The following SPG11 variants were observed in gnomAD, a reference collection of about 807,000 sequenced individuals.
SPG11 encodes the protein SPG11 vesicle trafficking associated, spatacsin.
Under a neutral mutation model 274.0 loss-of-function variants are expected in SPG11, and 222 were observed. That is an observed-to-expected ratio of 0.81 (90% CI 0.73 to 0.91). The LOEUF is 0.91. SPG11 is among the 40% of genes least tolerant of loss of function. The probability of loss-of-function intolerance (pLI) is 0.00; values close to 1 mark genes in which losing one functional copy is unlikely to be tolerated. For missense variants in SPG11, 3,114 were observed against 2,872.7 expected (o/e 1.08, Z -1.92); for synonymous variants, 1,144 against 1,039.7 (o/e 1.10, Z -1.93).
chr15:44,589,688 T>G (rs1197042359), intron 27 of SPG11, among the ~76,000 whole-genome samples: 1 of 152,266 alleles, frequency 6.6e-6, no homozygotes, highest in African/African-American at 2.4e-5. Flanking sequence ...GCAAGAGTCC[T>G]AAAGACTGAA....
At chr15:44,622,597 G>A (rs2083783978) in intron 12 of SPG11, 131 bp downstream of exon 12, 12 of 839,068 alleles carry the variant, frequency 1.4e-5, no homozygotes, top group East Asian at 1.2e-4. Flanking sequence ...TGAAGGGGTT[G>A]TCACACTTTT....
Position 44,573,674 on chromosome 15 carries a change from A to C in SPG11, c.6078T>G (p.Ser2026=), listed in dbSNP as rs951282815. 2.5e-6 allele frequency: 4 copies of C among 1,614,224 alleles called. No homozygotes were observed. Among genetic ancestry groups the C allele is most frequent in the South Asian group, 1.1e-5 (1 of 91,092 alleles). Residue 2026 remains serine (S), a synonymous_variant, in exon 32 of 40, where the codon TCT becomes TCG. Transcript: ENST00000261866. The part of the protein sequence containing the change: ...GEAMLRKILA[S]QQPDRCKRAQ... ...CTCGTTTGCATCGGTCAGGCTGCTGAGAGGCCAAGATTTTCCGGAGCATGG... is the reference window on the plus strand; with the variant it reads ...CTCGTTTGCATCGGTCAGGCTGCTGCGAGGCCAAGATTTTCCGGAGCATGG...
intron 7 of SPG11, among the ~76,000 whole-genome samples, chr15:44,642,216 G>C (rs2084470722): frequency 6.6e-6 from 1 of 150,792 alleles, no homozygotes; most frequent in Non-Finnish European, 1.5e-5. Context: ...AATACAAAAA[G>C]TTGCCAGGTG....
At position 44,622,228 on chromosome 15, in the gene SPG11, T is replaced by A; in HGVS notation, c.2436A>T (p.Ser812=). 6.2e-7 allele frequency: 1 copy of A among 1,612,518 alleles called. No homozygotes were observed. Among genetic ancestry groups the A allele is most frequent in the East Asian group, 2.2e-5 (1 of 44,762 alleles). The change falls in exon 13 of 40, where the codon TCA becomes TCT. Residue 812 remains serine, a synonymous_variant. Transcript: ENST00000261866. ...AGGACTAATGAGACTACCTGGGAAA[T>A]GACTGGATTTGCATATTTTCTTGGA... ...GHFQENMQIQ[S]FPRYWIKEQD...
At chr15:44,597,248 G>GCAC in intron 23 of SPG11, 1 of 302,534 alleles carries the variant, frequency 3.3e-6, no homozygotes, top group Non-Finnish European at 6.4e-6. Flanking sequence ...GAGTAGCTGG[G>GCAC]ATTACAGGCA....
Position 44,564,670 on chromosome 15 carries a change from A to G in SPG11, c.7028T>C (p.Phe2343Ser), listed in dbSNP as rs774390836. The G allele has an allele frequency of 6.2e-7, 1 of 1,614,198 alleles. No homozygotes were observed. The highest frequency in any genetic ancestry group is 2.2e-5 in the East Asian group (1 of 44,876). ...TAAAATTTCAGCCCAATCTGGAACA[A>G]AATCGTAGGCCTCAGCCACAATAGA... ...QASIVAEAYD[F>S]VPDWAEILYQ... Residue 2343 changes from phenylalanine to serine, a missense_variant, in exon 39 of 40, where the codon TTT becomes TCT. Transcript: ENST00000261866.
intron 8 of SPG11, among the ~76,000 whole-genome samples, chr15:44,632,517 A>ATTTT (rs544008892): frequency 2.1e-5 from 3 of 142,736 alleles, no homozygotes; most frequent in African/African-American, 7.7e-5. Flanking sequence ...GTCTGGGTGA[A>ATTTT]TTTTTTTTTT....
intron 16 of SPG11, among the ~76,000 whole-genome samples, chr15:44,613,927 C>G (rs2083526365): frequency 6.6e-6 from 1 of 152,076 alleles, no homozygotes; most frequent in Non-Finnish European, 1.5e-5. Flanking sequence ...ACCTGTAGTT[C>G]CAGTTACTTG....
intron 35 of SPG11, 80 bp from the exon 36 acceptor site, chr15:44,567,672 T>C (rs1334141336): frequency 1.0e-5 from 15 of 1,477,348 alleles, no homozygotes; most frequent in Non-Finnish European, 1.4e-5. Flanking sequence ...CACCTTGTTC[T>C]GCATTCCTTA....
At chr15:44,651,358 T>C in intron 6 of SPG11, 133 bp downstream of exon 6, 3 of 774,668 alleles carry the variant, frequency 3.9e-6, no homozygotes, top group Non-Finnish European at 2.1e-6. Flanking sequence ...TTACCAAGAA[T>C]AACAAGAAAC....
Position 44,626,420 on chromosome 15 carries a change from C to T in SPG11, c.2155G>A (p.Glu719Lys), listed in dbSNP as rs755719391. 6.2e-7 allele frequency: 1 copy of T among 1,613,990 alleles called. No individual in the cohort carries two copies. Among genetic ancestry groups the T allele is most frequent in the South Asian group, 1.1e-5 (1 of 91,066 alleles). Residue 719 changes from glutamate to lysine, a missense_variant, in exon 11 of 40, where the codon GAG becomes AAG. Coordinates refer to ENST00000261866, the MANE Select transcript of SPG11 (RefSeq NM_025137.4). ...RIDSHSAQKL[E>K]ELIGIGLNLV... is the part of the protein sequence containing the mutation. ...TTTAGGCCTATGCCAATAAGCTCCTCAAGTTTTTGAGCAGAATGACTATCA... is the reference window on the plus strand; with the variant it reads ...TTTAGGCCTATGCCAATAAGCTCCTTAAGTTTTTGAGCAGAATGACTATCA...
At position 44,584,286 on chromosome 15, in the gene SPG11, C is replaced by G. The variant is rs2082713279; in HGVS notation, c.5394G>C (p.Glu1798Asp). Reference protein sequence around the residue: ...VVPLDKLEELEKQIWLCRITQ... With the variant: ...VVPLDKLEELDKQIWLCRITQ... Reference sequence around the variant, plus strand: ...TGATGCGGCACAGCCAGATCTGCTTCTCCAGCTCCTCCAGCTTATCCAAGG... The same window carrying G: ...TGATGCGGCACAGCCAGATCTGCTTGTCCAGCTCCTCCAGCTTATCCAAGG... Residue 1798 changes from glutamate (E) to aspartate (D), a missense_variant, in exon 30 of 40, where the codon GAG becomes GAC. By Grantham distance (45) the Glu-to-Asp change is conservative. Transcript: ENST00000261866. The G allele has an allele frequency of 6.2e-7, 1 of 1,612,802 alleles. No homozygotes were observed. The highest frequency in any genetic ancestry group is 1.3e-5 in the African/African-American group (1 of 74,830).
At chr15:44,575,078 G>C in intron 30 of SPG11, 37 bp from the exon 31 acceptor site, 1 of 1,612,032 alleles carries the variant, frequency 6.2e-7, no homozygotes, top group African/African-American at 1.3e-5. Flanking sequence ...CTCTAAGCTG[G>C]GAGGTTCTGG....
At position 44,614,950 on chromosome 15, in the gene SPG11, A is replaced by C. The variant is rs1468186406; in HGVS notation, c.3038+413T>G. 3.9e-5 allele frequency among the ~76,000 whole-genome samples: 6 copies of C among 152,328 alleles called. No homozygotes were observed. The South Asian group carries it at 1.2e-3, about 32-fold the overall frequency. On this transcript the variant is annotated intron_variant, in intron 16 of 39. Coordinates refer to ENST00000261866, the MANE Select transcript of SPG11 (RefSeq NM_025137.4). ...GCGTGTGTGTGTCTATAGAAATATAAATTTTAGAGCATATCTAATATACCT... is the reference window on the plus strand; with the variant it reads ...GCGTGTGTGTGTCTATAGAAATATACATTTTAGAGCATATCTAATATACCT...
chr15:44,630,096 G>C (rs2084014967), intron 8 of SPG11, among the ~76,000 whole-genome samples: 1 of 152,174 alleles, frequency 6.6e-6, no homozygotes, highest in African/African-American at 2.4e-5. Context: ...GCCAAAATTT[G>C]AATTTAAGCC....
chr15:44,597,020 GA>G, intron 23 of SPG11, 77 bp from the exon 24 acceptor site: 1 of 1,379,354 alleles, frequency 7.2e-7, no homozygotes, highest in Non-Finnish European at 1.0e-6. Context: ...GCTTGAACTG[GA>G]AAATGAGTAA....
intron 11 of SPG11, 33 bp from the exon 12 acceptor site, chr15:44,622,832 C>T: frequency 6.6e-7 from 1 of 1,510,504 alleles, no homozygotes; most frequent in Non-Finnish European, 9.2e-7. Flanking sequence ...AAAAAAGTTA[C>T]ATTTTGTAAT....
intron 7 of SPG11, among the ~76,000 whole-genome samples, chr15:44,640,204 C>T (rs565815814): frequency 3.1e-4 from 47 of 151,714 alleles, no homozygotes; most frequent in South Asian, 1.5e-3. Flanking sequence ...CGTGAGACTC[C>T]GTCTCAAAAA....
chr15:44,626,830 T>A (rs1290443811), intron 10 of SPG11, among the ~76,000 whole-genome samples: 1 of 149,420 alleles, frequency 6.7e-6, no homozygotes, highest in South Asian at 2.2e-4. Flanking sequence ...TCCCCCCACA[T>A]AGGCTTGCTA....
Sources: allele counts gnomAD v4.1 joint callset (sites outside exome capture counted in the v4.1 genomes callset), GRCh38; gene constraint gnomAD v4.1.1; transcripts MANE v1.5; gene names NCBI Gene and HGNC (gene_info 2026-07-23, HGNC 2026-07-21).